Variants in ATP8A2 observed in about 807,000 individuals in gnomAD.
ATP8A2 encodes the protein ATPase phospholipid transporting 8A2.
ATP8A2 carries 100 observed loss-of-function variants against 165.6 expected under a neutral mutation model. The observed-to-expected ratio is 0.60, with a 90% confidence interval of 0.51 to 0.71. The LOEUF (loss-of-function observed/expected upper bound fraction) is 0.71. ATP8A2 is among the 30% of genes least tolerant of loss of function. The probability of loss-of-function intolerance (pLI) is 0.00; values close to 1 mark genes in which losing one functional copy is unlikely to be tolerated. For missense variants in ATP8A2, 1,227 were observed against 1,479.5 expected, an observed-to-expected ratio of 0.83 and a Z score of 2.80; for synonymous variants, 543 against 548.8, an observed-to-expected ratio of 0.99 and a Z score of 0.15.
chr13:25,902,983 A>G (rs1041213700), intron 33 of ATP8A2, among the ~76,000 whole-genome samples: 1 of 151,102 alleles, frequency 6.6e-6, no homozygotes, highest in Non-Finnish European at 1.5e-5. Context: ...GTAAATGCAC[A>G]TGGCAGGGGT....
intron 25 of ATP8A2, among the ~76,000 whole-genome samples, chr13:25,702,984 A>G (rs971998647): frequency 1.3e-5 from 2 of 152,106 alleles, no homozygotes; most frequent in Non-Finnish European, 2.9e-5. Context: ...TGTGCCTTCC[A>G]TTTAATGTGT....
At chr13:25,616,368 G>A (rs1268326792) in intron 24 of ATP8A2, among the ~76,000 whole-genome samples, 6 of 105,944 alleles carry the variant, frequency 5.7e-5, no homozygotes, top group African/African-American at 1.9e-4. Flanking sequence ...TGTTGCTGTT[G>A]TCACCCAGTC....
intron 24 of ATP8A2, among the ~76,000 whole-genome samples, chr13:25,693,958 GGGTTCAA>G (rs1310987958): frequency 6.6e-6 from 1 of 152,102 alleles, no homozygotes; most frequent in Non-Finnish European, 1.5e-5. Context: ...TCTACCTCCT[GGGTTCAA>G]GTAATTCTCC....
At chr13:25,515,564 G>A (rs2037441425) in intron 2 of ATP8A2, among the ~76,000 whole-genome samples, 2 of 152,214 alleles carry the variant, frequency 1.3e-5, no homozygotes, top group Admixed American at 1.3e-4. Context: ...GCAGAAAGAA[G>A]TCTATTTTAG....
chr13:25,609,534 G>GGGCTTCAAATATATATATATATATTT (rs2040603530), intron 24 of ATP8A2, among the ~76,000 whole-genome samples: 1 of 42,218 alleles, frequency 2.4e-5, no homozygotes. Flanking sequence ...ATATATATTT[G>GGGCTTCAAATATATATATATATATTT]GGATTCAAAT....
intron 30 of ATP8A2, among the ~76,000 whole-genome samples, chr13:25,858,529 A>G (rs1160935854): frequency 2.0e-5 from 3 of 152,106 alleles, no homozygotes; most frequent in African/African-American, 7.2e-5. Flanking sequence ...GAATCGGGAG[A>G]CTGTGTGTGC....
chr13:25,468,729 C>A (rs2035742382), intron 1 of ATP8A2: 2 of 636,260 alleles, frequency 3.1e-6, no homozygotes, highest in South Asian at 6.9e-5. Flanking sequence ...CGGGGCGGGG[C>A]TCGCTCCACA....
intron 27 of ATP8A2, among the ~76,000 whole-genome samples, chr13:25,797,566 G>T (rs1951162707): frequency 6.6e-6 from 1 of 152,138 alleles, no homozygotes; most frequent in African/African-American, 2.4e-5. Context: ...GATTTCATCT[G>T]CAACTATATA....
chr13:25,970,909 A>T (rs1362112494), intron 35 of ATP8A2, among the ~76,000 whole-genome samples: 1 of 152,230 alleles, frequency 6.6e-6, no homozygotes, highest in African/African-American at 2.4e-5. Flanking sequence ...GATATCAGAA[A>T]ATAAGAGCTT....
chr13:25,373,756 A>C (rs1287190799), intron 1 of ATP8A2, among the ~76,000 whole-genome samples: 1 of 152,200 alleles, frequency 6.6e-6, no homozygotes, highest in Non-Finnish European at 1.5e-5. Flanking sequence ...ATTTGGTCTG[A>C]AATGCCTACC....
chr13:25,805,705 G>A (rs2138483205), intron 27 of ATP8A2, among the ~76,000 whole-genome samples: 1 of 152,288 alleles, frequency 6.6e-6, no homozygotes, highest in East Asian at 1.9e-4. Flanking sequence ...TCCAGGGATT[G>A]AGTCTGAGTG....
intron 35 of ATP8A2, among the ~76,000 whole-genome samples, chr13:25,994,149 AC>A (rs1203288128): frequency 1.3e-5 from 2 of 152,160 alleles, no homozygotes; most frequent in East Asian, 3.8e-4. Context: ...CATTGATAAT[AC>A]ATAGAAATAC....
chr13:25,509,015 G>A (rs1186848234), intron 2 of ATP8A2, among the ~76,000 whole-genome samples: 3 of 152,190 alleles, frequency 2.0e-5, no homozygotes, highest in African/African-American at 7.2e-5. Context: ...TATTTACATG[G>A]TGTGCAGTCA....
At chr13:25,472,854 C>T (rs12869949) in intron 2 of ATP8A2, among the ~76,000 whole-genome samples, 14,499 of 152,216 alleles carry the variant, frequency 0.095, 1,166 homozygotes, top group African/African-American at 0.21. Context: ...AACCCTAAGC[C>T]AGTTTTGGTT....
intron 33 of ATP8A2, among the ~76,000 whole-genome samples, chr13:25,915,670 A>G (rs1954250454): frequency 2.6e-5 from 4 of 152,192 alleles, no homozygotes; most frequent in Admixed American, 2.6e-4. Context: ...TGCAGCCTGC[A>G]TGAGTTGGCC....
chr13:25,728,143 T>C (rs979945702), intron 25 of ATP8A2, among the ~76,000 whole-genome samples: 1 of 152,188 alleles, frequency 6.6e-6, no homozygotes, highest in Non-Finnish European at 1.5e-5. Flanking sequence ...TTTTATAGTC[T>C]TTATAAAATG....
chr13:25,560,760 T>G (rs550222269), intron 15 of ATP8A2, among the ~76,000 whole-genome samples: 142 of 152,004 alleles, frequency 9.3e-4, no homozygotes, highest in Non-Finnish European at 1.7e-3. Flanking sequence ...GTTTGACTTT[T>G]TACCATGGAA....
intron 24 of ATP8A2, among the ~76,000 whole-genome samples, chr13:25,698,224 GT>G (rs57633900): frequency 0.29 from 41,259 of 141,370 alleles, 5,963 homozygotes; most frequent in South Asian, 0.48. Flanking sequence ...AAGAACGTCT[GT>G]TTTTTTTTTT....
At chr13:25,388,349 T>G (rs2137958127) in intron 1 of ATP8A2, among the ~76,000 whole-genome samples, 1 of 152,158 alleles carries the variant, frequency 6.6e-6, no homozygotes, top group East Asian at 1.9e-4. Flanking sequence ...ACAAAACCCC[T>G]CAGACACTGA....
Sources: gnomAD v4.1 joint callset for allele counts (sites outside exome capture counted in the v4.1 genomes callset) on GRCh38, gnomAD v4.1.1 for gene constraint, MANE v1.5 for transcripts, NCBI Gene and HGNC (gene_info 2026-07-23, HGNC 2026-07-21) for gene names.